Variants in ENTPD3 observed in about 807,000 individuals in gnomAD.
The protein encoded by ENTPD3 is CD39 antigen-like 3.
Under a neutral mutation model 51.2 loss-of-function variants are expected in ENTPD3, and 60 were observed. The ratio of observed to expected loss-of-function variants is 1.17; its 90% CI spans 0.95 to 1.45. The LOEUF is 1.45. Among genes scored for constraint, ENTPD3 ranks in the 40% most tolerant of loss-of-function variants. The pLI is 0.00. For synonymous variants in ENTPD3, 221 were observed against 238.4 expected, an observed-to-expected ratio of 0.93 and a Z score of 0.67; for missense variants, 593 against 641.1, an observed-to-expected ratio of 0.93 and a Z score of 0.81.
chr3:40,406,638 T>C (rs186368914), intron 4 of ENTPD3, among the ~76,000 whole-genome samples: 130 of 152,280 alleles, frequency 8.5e-4, no homozygotes, highest in African/African-American at 3.0e-3. Flanking sequence ...ACAAGGTGAA[T>C]TTGTCTCCCG....
intron 3 of ENTPD3, among the ~76,000 whole-genome samples, chr3:40,400,426 C>A (rs961446684): frequency 6.6e-6 from 1 of 152,030 alleles, no homozygotes; most frequent in African/African-American, 2.4e-5. Context: ...CCGTCTGAGA[C>A]GAAGATGGCT....
chr3:40,407,267 C>T (rs969643763), intron 4 of ENTPD3, among the ~76,000 whole-genome samples: 9 of 151,872 alleles, frequency 5.9e-5, no homozygotes, highest in Admixed American at 2.6e-4. Flanking sequence ...TGGTCTCTGT[C>T]GTAACTGCTC....
intron 3 of ENTPD3, 186 bp downstream of exon 3, chr3:40,392,336 C>A: frequency 1.5e-6 from 1 of 649,668 alleles, no homozygotes; most frequent in Non-Finnish European, 2.6e-6. Context: ...ATATTTGAGG[C>A]TACAAATTGA....
At chr3:40,412,737 T>TA (rs1559514650) in intron 5 of ENTPD3, among the ~76,000 whole-genome samples, 1 of 152,108 alleles carries the variant, frequency 6.6e-6, no homozygotes, top group East Asian at 1.9e-4. Context: ...TGAGCATTAA[T>TA]AAAAAAAGAA....
intron 2 of ENTPD3, 128 bp downstream of exon 2, chr3:40,388,225 T>A: frequency 1.2e-6 from 1 of 838,352 alleles, no homozygotes; most frequent in Non-Finnish European, 2.0e-6. Flanking sequence ...TGAGACTCAG[T>A]ACTCAGCTGG....
At chr3:40,413,729 A>C (rs1023776925) in intron 5 of ENTPD3, among the ~76,000 whole-genome samples, 14 of 152,204 alleles carry the variant, frequency 9.2e-5, no homozygotes, top group Admixed American at 2.6e-4. Flanking sequence ...TGAATAAATT[A>C]AGTACTAACT....
In ENTPD3 at chr3:40,427,428, T is replaced by C. The variant is rs759700094; in HGVS notation, c.1510T>C (p.Phe504Leu). 3 of 1,613,610 alleles carry C rather than the reference T, an allele frequency of 1.9e-6. No individual in the cohort carries two copies. The highest frequency in any genetic ancestry group is 2.2e-5 in the South Asian group (2 of 91,076). The change falls in exon 11 of 11, where the codon TTT (phenylalanine) becomes CTT (leucine). Residue 504 changes from phenylalanine (F) to leucine (L), a missense_variant. Physicochemically the swap from Phe to Leu is conservative, Grantham distance 22. Coordinates refer to ENST00000301825, the MANE Select transcript of ENTPD3 (RefSeq NM_001248.4). ...AGCGGCAGCCTTGCTGTGTCTGGCA[T>C]TTCTTGCATACCTGTGTTCAGCAAC... ...FTAAALLCLA[F>L]LAYLCSATRR... is the part of the protein sequence containing the mutation.
At chr3:40,424,658 G>A (rs1955949653) in intron 10 of ENTPD3, 1 of 678,484 alleles carries the variant, frequency 1.5e-6, no homozygotes, top group Admixed American at 2.0e-5. Context: ...CTGTCACCTG[G>A]TGACAGGTGA....
At chr3:40,408,904 C>G (rs898230840) in intron 4 of ENTPD3, among the ~76,000 whole-genome samples, 1 of 150,198 alleles carries the variant, frequency 6.7e-6, no homozygotes, top group Admixed American at 6.6e-5. Flanking sequence ...CATCCATAAT[C>G]CTTCCCACCA....
intron 7 of ENTPD3, among the ~76,000 whole-genome samples, chr3:40,420,826 A>T (rs1029425219): frequency 3.3e-5 from 5 of 152,018 alleles, no homozygotes; most frequent in African/African-American, 1.2e-4. Context: ...CATCAGTAAA[A>T]TGAAAGGGTT....
At position 40,411,967 on chromosome 3, in the gene ENTPD3, A is replaced by C. The variant is rs756799377; in HGVS notation, c.437+5A>C. 5.0e-6 allele frequency: 8 copies of C among 1,607,458 alleles called. No homozygotes were observed. Among genetic ancestry groups the C allele is most frequent in the African/African-American group, 1.3e-5 (1 of 74,746 alleles). ...GGCTGGGATGCGCTTGCTGAGGTAA[A>C]GGCTAAGTGGCACAAAGGAGCCCAT... On this transcript the variant is annotated splice_donor_5th_base_variant and intron_variant, in intron 5 of 10. Transcript: ENST00000301825.
At chr3:40,400,830 A>C in intron 3 of ENTPD3, 64 bp from the exon 4 acceptor site, 1 of 1,260,532 alleles carries the variant, frequency 7.9e-7, no homozygotes, top group African/African-American at 1.5e-5. Context: ...TCAGTGGCCC[A>C]CTGAGAAAGC....
chr3:40,407,661 G>T (rs1346427686), intron 4 of ENTPD3, among the ~76,000 whole-genome samples: 1 of 152,116 alleles, frequency 6.6e-6, no homozygotes, highest in African/African-American at 2.4e-5. Context: ...AGATACTGAA[G>T]AAAAGAGATC....
Position 40,422,881 on chromosome 3 carries a change from CCT to C in ENTPD3, c.864_865del (p.Cys289LeufsTer6), listed in dbSNP as rs1955907538. On this transcript the variant is annotated frameshift_variant, in exon 8 of 11. Transcript: ENST00000301825. LOFTEE classifies it high-confidence loss of function. The stretch of plus-strand genomic sequence containing the variant: ...CCTACCAAAAACCATCTCACCAATC[CCT>C]GTTACCCTCGGGATTATAGCATCAG... 12 of 1,613,484 alleles carry C rather than the reference CCT, an allele frequency of 7.4e-6. No homozygotes were observed. Among genetic ancestry groups the C allele is most frequent in the Admixed American group, 1.7e-5 (1 of 59,996 alleles).
chr3:40,413,004 C>T lies in ENTPD3; in HGVS notation c.437+1042C>T, dbSNP rs1050288752. 5.3e-5 allele frequency among the ~76,000 whole-genome samples: 8 copies of T among 152,164 alleles called. 1 individual carries two copies. The highest frequency in any genetic ancestry group is 1.9e-4 in the African/African-American group (8 of 41,438). ...CTTTTTCTTTCTTATAAAAACAGTT[C>T]TTCCAAAAAGGATGGAACTGAAACC... On this transcript the variant is annotated intron_variant, in intron 5 of 10. Transcript: ENST00000301825.
At chr3:40,398,834 C>T (rs1331055387) in intron 3 of ENTPD3, among the ~76,000 whole-genome samples, 1 of 152,112 alleles carries the variant, frequency 6.6e-6, no homozygotes, top group African/African-American at 2.4e-5. Context: ...TTACTCTGTA[C>T]CTAAAAGTGA....
At chr3:40,396,843 G>A (rs1249045209) in intron 3 of ENTPD3, among the ~76,000 whole-genome samples, 1 of 152,124 alleles carries the variant, frequency 6.6e-6, no homozygotes, top group African/African-American at 2.4e-5. Flanking sequence ...TGTTGAAGAT[G>A]GGTTCTGCAC....
In ENTPD3 at chr3:40,423,917, A is replaced by T; in HGVS notation, c.1307A>T (p.Tyr436Phe). Residue 436 changes from tyrosine to phenylalanine, a missense_variant, in exon 10 of 11, where the codon TAC (tyrosine) becomes TTC (phenylalanine). Coordinates refer to ENST00000301825, the MANE Select transcript of ENTPD3 (RefSeq NM_001248.4). ...NYIYHLFVNG[Y>F]KFTEETWPQI... ...ATCTACCACTTGTTTGTGAACGGTT[A>T]CAAATTCACAGAGGAGACTTGGCCC... The T allele has an allele frequency of 2.5e-6, 4 of 1,614,198 alleles. No individual in the cohort carries two copies. The highest frequency in any genetic ancestry group is 3.4e-6 in the Non-Finnish European group (4 of 1,180,020).
At chr3:40,420,742 T>C (rs146343622) in intron 7 of ENTPD3, among the ~76,000 whole-genome samples, 218 of 152,266 alleles carry the variant, frequency 1.4e-3, no homozygotes, top group African/African-American at 5.1e-3. Context: ...TAAGCTTTTA[T>C]AGGATTTTTG....
Sources: gnomAD v4.1 joint callset for allele counts (sites outside exome capture counted in the v4.1 genomes callset) on GRCh38, gnomAD v4.1.1 for gene constraint, MANE v1.5 for transcripts, NCBI Gene and HGNC (gene_info 2026-07-23, HGNC 2026-07-21) for gene names.